Variants in FNIP2 observed in about 807,000 individuals in gnomAD.
FNIP2 encodes the protein folliculin-interacting protein 2.
Under a neutral mutation model 108.7 loss-of-function variants are expected in FNIP2, and 32 were observed. That is an observed-to-expected ratio of 0.29 (90% CI 0.22 to 0.40). FNIP2 has a LOEUF of 0.40. FNIP2 is among the 10% of genes least tolerant of loss of function. The pLI is 1.00. For missense variants in FNIP2, 1,202 were observed against 1,381.6 expected (o/e 0.87, Z 2.06); for synonymous variants, 480 against 496.7 (o/e 0.97, Z 0.45).
At chr4:158,882,686 T>TA (rs991862354) in intron 14 of FNIP2, among the ~76,000 whole-genome samples, 97 of 152,386 alleles carry the variant, frequency 6.4e-4, no homozygotes, top group African/African-American at 2.2e-3. Flanking sequence ...GCTGTTGATC[T>TA]ATGACCTTAC....
intron 3 of FNIP2, 131 bp downstream of exon 3, chr4:158,829,356 T>C (rs1778337351): frequency 1.4e-6 from 1 of 731,092 alleles, no homozygotes; most frequent in African/African-American, 1.8e-5. Context: ...CAGAGTACTC[T>C]TAAATGTTTC....
At chr4:158,891,983 TA>T (rs769859826) in intron 15 of FNIP2, among the ~76,000 whole-genome samples, 51 of 152,312 alleles carry the variant, frequency 3.3e-4, no homozygotes, top group Admixed American at 1.2e-3. Context: ...ATTGATATTT[TA>T]ATAAGTAGGC....
chr4:158,840,470 A>G (rs570414426), intron 7 of FNIP2, among the ~76,000 whole-genome samples: 1 of 152,128 alleles, frequency 6.6e-6, no homozygotes, highest in South Asian at 2.1e-4. Context: ...ATCTCAGCTC[A>G]CTGCAACCTC....
chr4:158,902,187 TTGTTGA>T (rs1362248099), intron 16 of FNIP2, among the ~76,000 whole-genome samples: 2 of 152,108 alleles, frequency 1.3e-5, no homozygotes, highest in Non-Finnish European at 1.5e-5. Context: ...GACGTCCTTT[TTGTTGA>T]TGTTGATGTG....
chr4:158,795,450 A>G (rs1477785737), intron 1 of FNIP2, among the ~76,000 whole-genome samples: 1 of 152,246 alleles, frequency 6.6e-6, no homozygotes, highest in African/African-American at 2.4e-5. Flanking sequence ...ACTGACATCT[A>G]CATTCTGAGG....
At chr4:158,837,945 T>C (rs1277170195) in intron 7 of FNIP2, among the ~76,000 whole-genome samples, 4 of 152,218 alleles carry the variant, frequency 2.6e-5, no homozygotes, top group African/African-American at 7.2e-5. Flanking sequence ...CCTTCAGATA[T>C]CATACCTAGG....
intron 14 of FNIP2, among the ~76,000 whole-genome samples, chr4:158,879,043 G>A (rs1781440170): frequency 6.7e-6 from 1 of 150,156 alleles, no homozygotes; most frequent in Non-Finnish European, 1.5e-5. Context: ...ATATCAAAGA[G>A]CAAGTAAAAG....
intron 1 of FNIP2, among the ~76,000 whole-genome samples, chr4:158,775,627 C>T (rs2126406419): frequency 6.6e-6 from 1 of 152,322 alleles, no homozygotes; most frequent in East Asian, 1.9e-4. Flanking sequence ...CAGCCAGAAT[C>T]TGTCCAGCTG....
At chr4:158,828,945 GA>G (rs919329023) in intron 2 of FNIP2, 133 bp from the exon 3 acceptor site, 2,628 of 619,226 alleles carry the variant, frequency 4.2e-3, no homozygotes, top group South Asian at 5.9e-3. Context: ...CATTATTGGG[GA>G]AAAAAAAAAG....
intron 16 of FNIP2, among the ~76,000 whole-genome samples, chr4:158,896,330 CTT>C: frequency 6.6e-6 from 1 of 152,218 alleles, no homozygotes; most frequent in South Asian, 2.1e-4. Flanking sequence ...GGGGACAGTG[CTT>C]TCCTTCCTTT....
At chr4:158,826,225 A>G (rs1037901638) in intron 2 of FNIP2, among the ~76,000 whole-genome samples, 183 bp downstream of exon 2, 1 of 152,258 alleles carries the variant, frequency 6.6e-6, no homozygotes. Flanking sequence ...AGGCATGAGT[A>G]TGCTCACTGC....
intron 1 of FNIP2, among the ~76,000 whole-genome samples, chr4:158,813,561 T>C (rs1777401361): frequency 6.6e-6 from 1 of 152,256 alleles, no homozygotes; most frequent in African/African-American, 2.4e-5. Flanking sequence ...AACTGTTCTT[T>C]ATTTTGGATA....
At chr4:158,849,106 G>T (rs571271140) in intron 7 of FNIP2, among the ~76,000 whole-genome samples, 1 of 152,116 alleles carries the variant, frequency 6.6e-6, no homozygotes, top group Non-Finnish European at 1.5e-5. Flanking sequence ...AGGGTCTTAC[G>T]ATCTACTTTC....
intron 1 of FNIP2, among the ~76,000 whole-genome samples, chr4:158,825,221 T>A (rs1313197216): frequency 6.6e-6 from 1 of 152,194 alleles, no homozygotes; most frequent in East Asian, 1.9e-4. Flanking sequence ...TTTTCTGTAG[T>A]TCCCTCACTC....
intron 14 of FNIP2, among the ~76,000 whole-genome samples, chr4:158,879,809 A>G (rs1781483024): frequency 6.6e-6 from 1 of 150,540 alleles, no homozygotes. Flanking sequence ...TCACAAAAGA[A>G]GACATTTATG....
At chr4:158,875,134 T>C (rs1003114088) in intron 14 of FNIP2, among the ~76,000 whole-genome samples, 5 of 151,476 alleles carry the variant, frequency 3.3e-5, no homozygotes, top group African/African-American at 9.7e-5. Flanking sequence ...TATATGCGTA[T>C]GTACTTAAAG....
At chr4:158,883,387 G>A (rs905555202) in intron 14 of FNIP2, among the ~76,000 whole-genome samples, 13 of 151,756 alleles carry the variant, frequency 8.6e-5, no homozygotes, top group Admixed American at 6.5e-4. Flanking sequence ...GACTACAGGC[G>A]CCCGCCACTA....
At chr4:158,802,103 G>A (rs1776783342) in intron 1 of FNIP2, among the ~76,000 whole-genome samples, 1 of 152,202 alleles carries the variant, frequency 6.6e-6, no homozygotes, top group Admixed American at 6.5e-5. Flanking sequence ...GGGTTGCTGT[G>A]TGTTCACAGT....
intron 1 of FNIP2, among the ~76,000 whole-genome samples, chr4:158,791,998 G>A (rs1205140724): frequency 6.6e-6 from 1 of 152,084 alleles, no homozygotes; most frequent in African/African-American, 2.4e-5. Flanking sequence ...CAGCTACTTG[G>A]GAAGCTGAGG....
Sources: allele counts gnomAD v4.1 joint callset (sites outside exome capture counted in the v4.1 genomes callset), GRCh38; gene constraint gnomAD v4.1.1; transcripts MANE v1.5; gene names NCBI Gene and HGNC (gene_info 2026-07-23, HGNC 2026-07-21).